The following PFKFB4 variants were observed in gnomAD, a reference collection of about 807,000 sequenced individuals.
PFKFB4 encodes the protein 6-phosphofructo-2-kinase/fructose-2,6-bisphosphatase 4.
A neutral mutation model predicts 62.8 loss-of-function variants in PFKFB4; 42 were observed. That is an observed-to-expected ratio of 0.67 (90% CI 0.52 to 0.86). The LOEUF (loss-of-function observed/expected upper bound fraction) is 0.86. PFKFB4 is among the 40% of genes least tolerant of loss of function. The pLI is 0.00. For missense variants in PFKFB4, 475 were observed against 627.2 expected (o/e 0.76, Z 2.59); for synonymous variants, 204 against 240.7 (o/e 0.85, Z 1.41).
intron 4 of PFKFB4, among the ~76,000 whole-genome samples, chr3:48,542,039 A>T (rs1006365111): frequency 2.6e-5 from 4 of 152,178 alleles, no homozygotes; most frequent in Admixed American, 1.3e-4. Context: ...CAAACAACCA[A>T]AAAAAACAGA....
chr3:48,549,213 T>C (rs2043053282), intron 3 of PFKFB4, among the ~76,000 whole-genome samples: 1 of 152,136 alleles, frequency 6.6e-6, no homozygotes, highest in Non-Finnish European at 1.5e-5. Context: ...GGTGGGGCGG[T>C]AGCATATACA....
chr3:48,520,125 C>T (rs1324817346), intron 13 of PFKFB4, among the ~76,000 whole-genome samples: 1 of 152,184 alleles, frequency 6.6e-6, no homozygotes, highest in Non-Finnish European at 1.5e-5. Context: ...TGAGGAGGAA[C>T]CCCTGGCTTG....
Position 48,519,080 on chromosome 3 carries a change from C to T in PFKFB4, c.*667G>A, listed in dbSNP as rs964845698. 3 of 152,388 alleles carry T rather than the reference C, an allele frequency of 2.0e-5. No individual in the cohort carries two copies. The highest frequency in any genetic ancestry group is 4.1e-4 in the South Asian group (2 of 4,834). 9.4% of individuals were successfully genotyped at this position (152,388 alleles called of 1,614,324 possible). A position where few individuals can be genotyped will look rare whatever the true frequency, so the allele number is the denominator to read the frequency against. On this transcript the variant is annotated 3_prime_UTR_variant, in exon 14 of 14. Transcript: ENST00000232375. ...GACCACAACTGCCCCCCTGCCCTCA[C>T]GTTTCTGTGCATCCCAATGTGCTGA...
Position 48,521,839 on chromosome 3 carries a change from C to T in PFKFB4, c.1350+147G>A, listed in dbSNP as rs538016215. 624 of 715,892 alleles carry T rather than the reference C, an allele frequency of 8.7e-4. 1 individual carries two copies. In the African/African-American group the frequency reaches 9.4e-3, roughly 11 times the overall value. The allele number at this position is 715,892 out of a possible 1,614,324, so 44.3% of individuals were successfully genotyped here. A position where few individuals can be genotyped will look rare whatever the true frequency, so the allele number is the denominator to read the frequency against. On this transcript the variant is annotated intron_variant, in intron 13 of 13. Transcript: ENST00000232375. This position sits in a 1 kb window ranked among gnomAD's most constrained non-coding sequence, Gnocchi z 5.3. ...CAGGCCCCACCCAGAGCCAGGGCCCCGCCCTGCTGATGGGACAACAGTCTT... is the reference window on the plus strand; with the variant it reads ...CAGGCCCCACCCAGAGCCAGGGCCCTGCCCTGCTGATGGGACAACAGTCTT...
chr3:48,541,366 T>A (rs2042793226), intron 4 of PFKFB4, among the ~76,000 whole-genome samples: 1 of 151,944 alleles, frequency 6.6e-6, no homozygotes, highest in Non-Finnish European at 1.5e-5. Flanking sequence ...CCTGACCTCG[T>A]GATCCACCCG....
At chr3:48,534,769 G>C (rs1250901910) in intron 9 of PFKFB4, among the ~76,000 whole-genome samples, 1 of 150,486 alleles carries the variant, frequency 6.6e-6, no homozygotes, top group Non-Finnish European at 1.5e-5. Flanking sequence ...AATGACAACA[G>C]ACTTCTCTTA....
intron 5 of PFKFB4, 174 bp from the exon 6 acceptor site, chr3:48,539,484 AAGC>A (rs1401181623): frequency 1.8e-5 from 13 of 711,440 alleles, no homozygotes; most frequent in Non-Finnish European, 3.0e-5. Context: ...TCCAGAGCTA[AAGC>A]AGGTGCTGCC....
chr3:48,543,524 G>T lies in PFKFB4; in HGVS notation c.378+56C>A, dbSNP rs1211866085. The T allele has an allele frequency of 2.7e-6, 4 of 1,477,228 alleles. No individual in the cohort carries two copies. In the African/African-American group the frequency reaches 5.5e-5, roughly 20 times the overall value. 91.5% of individuals were successfully genotyped at this position (1,477,228 alleles called of 1,614,324 possible). A position where few individuals can be genotyped will look rare whatever the true frequency, so the allele number is the denominator to read the frequency against. ...CAGATGCCTGACGAGCAAAGGCACA[G>T]ATGTGGATGGGCTCCCATGTGTCAC... On this transcript the variant is annotated intron_variant, in intron 4 of 13. Transcript: ENST00000232375.
intron 9 of PFKFB4, among the ~76,000 whole-genome samples, chr3:48,532,635 G>A (rs28789805): frequency 0.018 from 2,777 of 152,308 alleles, 94 homozygotes; most frequent in African/African-American, 0.061. Flanking sequence ...AGAATCGCTT[G>A]AGGCTAGGAG....
chr3:48,563,131 G>C, upstream of PFKFB4: 2 of 1,605,616 alleles, frequency 1.2e-6, no homozygotes, highest in Non-Finnish European at 1.7e-6. This position sits in a 1 kb window ranked among gnomAD's most constrained non-coding sequence, Gnocchi z 4.5. Flanking sequence ...TCATCGTGAG[G>C]TCAGGCTGCA....
At chr3:48,534,837 A>C (rs1156373485) in intron 9 of PFKFB4, among the ~76,000 whole-genome samples, 2 of 151,554 alleles carry the variant, frequency 1.3e-5, no homozygotes, top group African/African-American at 2.4e-5. Context: ...GAGACAGAAC[A>C]TCACTCTGTT....
chr3:48,533,572 T>C (rs907660123), intron 9 of PFKFB4, among the ~76,000 whole-genome samples: 1 of 152,120 alleles, frequency 6.6e-6, no homozygotes, highest in Non-Finnish European at 1.5e-5. Flanking sequence ...AAGGACAAAT[T>C]GGCAGGGCGC....
In PFKFB4 at chr3:48,519,599, G is replaced by A; in HGVS notation, c.*148C>T. On this transcript the variant is annotated 3_prime_UTR_variant, in exon 14 of 14. Coordinates refer to ENST00000232375, the MANE Select transcript of PFKFB4 (RefSeq NM_004567.4). ...CTGTCAACAAAGAGCCAGGTGGGCT[G>A]GGGTGGGGGCTCTGGGTTCCGCCAG... is the stretch of plus-strand genomic sequence containing the variant. 1 of 648,182 alleles carries A rather than the reference G, an allele frequency of 1.5e-6. No homozygotes were observed. Among genetic ancestry groups the A allele is most frequent in the East Asian group, 2.6e-5 (1 of 37,744 alleles). The allele number at this position is 648,182 out of a possible 1,614,324, so 40.2% of individuals were successfully genotyped here.
intron 9 of PFKFB4, among the ~76,000 whole-genome samples, chr3:48,533,958 G>C (rs2042512347): frequency 1.3e-5 from 2 of 152,200 alleles, no homozygotes. Flanking sequence ...GAGGGGAGGA[G>C]GCAGCAGCTT....
At chr3:48,543,211 C>T (rs1409150145) in intron 4 of PFKFB4, among the ~76,000 whole-genome samples, 1 of 152,206 alleles carries the variant, frequency 6.6e-6, no homozygotes, top group Non-Finnish European at 1.5e-5. Flanking sequence ...ATCCAGGATT[C>T]AGTGGGTTCC....
intron 4 of PFKFB4, among the ~76,000 whole-genome samples, chr3:48,541,271 G>C (rs2042790456): frequency 6.6e-6 from 1 of 151,996 alleles, no homozygotes; most frequent in Non-Finnish European, 1.5e-5. Context: ...GGGACTACAA[G>C]CGCCTGCCAC....
intron 3 of PFKFB4, among the ~76,000 whole-genome samples, chr3:48,549,325 G>A (rs536022507): frequency 6.6e-6 from 1 of 152,266 alleles, no homozygotes; most frequent in Non-Finnish European, 1.5e-5. Flanking sequence ...CACACACCAA[G>A]AACATGCTCC....
At chr3:48,548,039 G>T (rs1223025021) in intron 3 of PFKFB4, 1 of 152,222 alleles carries the variant, frequency 6.6e-6, no homozygotes, top group African/African-American at 2.4e-5. Flanking sequence ...AGGCAGCAAT[G>T]AGCCTGTCCC....
chr3:48,535,481 A>T, intron 9 of PFKFB4, 31 bp downstream of exon 9: 1 of 1,577,366 alleles, frequency 6.3e-7, no homozygotes, highest in Non-Finnish European at 8.7e-7. Flanking sequence ...GGTATCTGGG[A>T]GGTAGACAGG....
Sources: gnomAD v4.1 joint callset for allele counts (sites outside exome capture counted in the v4.1 genomes callset) on GRCh38, gnomAD v4.1.1 for gene constraint, Gnocchi (gnomAD v3.1) non-coding constraint, MANE v1.5 for transcripts, NCBI Gene and HGNC (gene_info 2026-07-23, HGNC 2026-07-21) for gene names.